The following MRGPRX3 variants were observed in gnomAD, a reference collection of about 807,000 sequenced individuals.
MRGPRX3 encodes the protein MAS related GPR family member X3, also known as mas-related G protein-coupled receptor member X3.
A neutral mutation model predicts 16.5 loss-of-function variants in MRGPRX3; 14 were observed. The observed-to-expected ratio is 0.85, with a 90% CI of 0.56 to 1.33. The LOEUF is 1.33. Among genes scored for constraint, MRGPRX3 ranks in the 40% most tolerant of loss-of-function variants. The pLI, the probability that MRGPRX3 is intolerant of heterozygous loss-of-function variation, is 0.00. For synonymous variants in MRGPRX3, 199 were observed against 180.1 expected, an observed-to-expected ratio of 1.10 and a Z score of -0.84; for missense variants, 449 against 413.0, an observed-to-expected ratio of 1.09 and a Z score of -0.76.
upstream of MRGPRX3, among the ~76,000 whole-genome samples, chr11:18,128,010 A>G (rs7117356): frequency 0.051 from 7,767 of 152,138 alleles, 662 homozygotes; most frequent in African/African-American, 0.18. Flanking sequence ...TCAGCTGCAG[A>G]TCTGTTGGAG....
chr11:18,135,658 T>C (rs1199802577), intron 1 of MRGPRX3, among the ~76,000 whole-genome samples: 3 of 152,204 alleles, frequency 2.0e-5, no homozygotes, highest in Non-Finnish European at 4.4e-5. Flanking sequence ...TATCTGGAGT[T>C]TGTTTAGGTT....
At position 18,137,649 on chromosome 11, in the gene MRGPRX3, G is replaced by C. The variant is rs1183806207; in HGVS notation, c.447G>C (p.Leu149=). ...TCATGTGTGTCCTGCTCTGGGCCCT[G>C]TCCCTGCTGCGGAGTATCCTGGAGT... is the stretch of plus-strand genomic sequence containing the variant. ...SSVMCVLLWA[L]SLLRSILEWM... The change falls in exon 2 of 2, where the codon CTG becomes CTC. Residue 149 remains leucine, a synonymous_variant. Transcript: ENST00000621697. 15 of 1,614,060 alleles carry C rather than the reference G, an allele frequency of 9.3e-6. No individual in the cohort carries two copies. The highest frequency in any genetic ancestry group is 1.6e-4 in the Middle Eastern group (1 of 6,084).
intron 1 of MRGPRX3, among the ~76,000 whole-genome samples, chr11:18,125,488 G>C (rs1420736077): frequency 6.6e-6 from 1 of 152,162 alleles, no homozygotes; most frequent in African/African-American, 2.4e-5. Context: ...TTTCCATGTA[G>C]TTGAGCGTTT....
At chr11:18,123,667 G>A (rs1411875450) in intron 1 of MRGPRX3, among the ~76,000 whole-genome samples, 5 of 152,170 alleles carry the variant, frequency 3.3e-5, no homozygotes, top group Admixed American at 2.0e-4. Context: ...ACTTGGCAAC[G>A]CGGGCTCTTT....
intron 1 of MRGPRX3, among the ~76,000 whole-genome samples, chr11:18,122,708 G>A (rs1034906388): frequency 1.3e-5 from 2 of 152,136 alleles, no homozygotes; most frequent in Admixed American, 1.3e-4. Flanking sequence ...ACCCAGTAAT[G>A]GGATGGCTGG....
exon 1 of MRGPRX3, chr11:18,121,033 C>G (rs1211577076): frequency 6.3e-6 from 1 of 157,646 alleles, no homozygotes; most frequent in African/African-American, 2.5e-5. Context: ...TTCCCGGCCG[C>G]CATCCCATCT....
chr11:18,128,782 G>T (rs1848929994), upstream of MRGPRX3, among the ~76,000 whole-genome samples: 1 of 152,152 alleles, frequency 6.6e-6, no homozygotes, highest in Non-Finnish European at 1.5e-5. Flanking sequence ...TGCACCCACT[G>T]TCCTGCACCC....
At chr11:18,134,510 A>G (rs1426591355) in intron 1 of MRGPRX3, among the ~76,000 whole-genome samples, 2 of 152,248 alleles carry the variant, frequency 1.3e-5, no homozygotes, top group Admixed American at 6.5e-5. Flanking sequence ...AAGTGCATAG[A>G]GTATATACAA....
At chr11:18,126,483 T>G (rs1848897299) in intron 1 of MRGPRX3, among the ~76,000 whole-genome samples, 1 of 152,212 alleles carries the variant, frequency 6.6e-6, no homozygotes, top group Non-Finnish European at 1.5e-5. Context: ...AATTCGGGGT[T>G]GAAAATTCTT....
Position 18,121,342 on chromosome 11 carries a change from C to T in MRGPRX3, c.-152+178C>T, listed in dbSNP as rs193295976. Among the ~76,000 whole-genome samples, 1,009 of 152,078 alleles carry T rather than the reference C, an allele frequency of 6.6e-3. 8 individuals are homozygous for T. The highest frequency in any genetic ancestry group is 0.023 in the African/African-American group (939 of 41,492). On this transcript the variant is annotated intron_variant, in intron 1 of 2. Coordinates refer to the MRGPRX3 transcript ENST00000396275. ...GGGAGGGAGGTGGGGGTCAGCCCCCCGCCTGGCCAGCCGCCCCGTCCGGGA... is the reference window on the plus strand; with the variant it reads ...GGGAGGGAGGTGGGGGTCAGCCCCCTGCCTGGCCAGCCGCCCCGTCCGGGA...
intron 1 of MRGPRX3, among the ~76,000 whole-genome samples, chr11:18,123,132 T>C (rs1289794774): frequency 6.6e-6 from 1 of 152,254 alleles, no homozygotes; most frequent in African/African-American, 2.4e-5. Context: ...TCCCATTCTG[T>C]AGGTTGCCTG....
chr11:18,127,576 T>TTG (rs1848914162), upstream of MRGPRX3, among the ~76,000 whole-genome samples: 1 of 152,268 alleles, frequency 6.6e-6, no homozygotes, highest in Admixed American at 6.5e-5. Flanking sequence ...CTACTGAGGC[T>TTG]TGTGCATTCA....
At position 18,121,521 on chromosome 11, in the gene MRGPRX3, G is replaced by C. The variant is rs569998113; in HGVS notation, c.-152+357G>C. Reference sequence around the variant, plus strand: ...GTGTGCCCAACAGCTCATTGAGAACGGGCCAGGATGACAATGGCGCCTTTG... The same window carrying C: ...GTGTGCCCAACAGCTCATTGAGAACCGGCCAGGATGACAATGGCGCCTTTG... On this transcript the variant is annotated intron_variant, in intron 1 of 2. Transcript: ENST00000396275. Among the ~76,000 whole-genome samples, 17 of 152,342 alleles carry C rather than the reference G, an allele frequency of 1.1e-4. No homozygotes were observed. In the South Asian group the frequency reaches 3.1e-3, roughly 28 times the overall value.
chr11:18,136,045 T>C (rs1849004905), intron 1 of MRGPRX3, among the ~76,000 whole-genome samples: 1 of 152,148 alleles, frequency 6.6e-6, no homozygotes, highest in African/African-American at 2.4e-5. Flanking sequence ...TGCATGAATA[T>C]CTCTCTTTAC....
In MRGPRX3 at chr11:18,137,257, G is replaced by C. The variant is rs775891698; in HGVS notation, c.55G>C (p.Glu19Gln). 6.2e-7 allele frequency: 1 copy of C among 1,613,872 alleles called. No individual in the cohort carries two copies. The highest frequency in any genetic ancestry group is 8.5e-7 in the Non-Finnish European group (1 of 1,179,874). The change falls in exon 2 of 2, where the codon GAG (glutamate) becomes CAG (glutamine). Residue 19 changes from glutamate to glutamine, a missense_variant. Glu to Gln is a conservative substitution (Grantham distance 29). Transcript: ENST00000621697. ...AGAACTGACACCAATCAACGGACGT[G>C]AGGAGACTCCTTGCTACAAGCAGAC... ...GTELTPINGREETPCYKQTLS... is the reference protein window; with the variant it reads ...GTELTPINGRQETPCYKQTLS...
intron 1 of MRGPRX3, among the ~76,000 whole-genome samples, chr11:18,121,883 G>C (rs1848842026): frequency 6.6e-6 from 1 of 151,886 alleles, no homozygotes; most frequent in Admixed American, 6.6e-5. Context: ...AGGGTCCTCT[G>C]CCTAGGAAAA....
At chr11:18,122,702 A>G (rs1848852158) in intron 1 of MRGPRX3, among the ~76,000 whole-genome samples, 1 of 152,208 alleles carries the variant, frequency 6.6e-6, no homozygotes, top group Non-Finnish European at 1.5e-5. Flanking sequence ...GTATATACCC[A>G]GTAATGGGAT....
At chr11:18,131,920 G>C (rs1210703467), upstream of MRGPRX3, among the ~76,000 whole-genome samples, 2 of 152,190 alleles carry the variant, frequency 1.3e-5, no homozygotes, top group Non-Finnish European at 2.9e-5. Flanking sequence ...GGATGGAAGA[G>C]AGGCGAGGGA....
chr11:18,123,427 C>T (rs1337823184), intron 1 of MRGPRX3, among the ~76,000 whole-genome samples: 1 of 152,164 alleles, frequency 6.6e-6, no homozygotes, highest in Non-Finnish European at 1.5e-5. Context: ...TTTCCCAGCA[C>T]CATTTATTAA....
Sources: gnomAD v4.1 joint callset for allele counts (sites outside exome capture counted in the v4.1 genomes callset) on GRCh38, gnomAD v4.1.1 for gene constraint, MANE v1.5 for transcripts, NCBI Gene and HGNC (gene_info 2026-07-23, HGNC 2026-07-21) for gene names.